The following SYNE1 variants were observed in gnomAD, a reference collection of about 807,000 sequenced individuals.
SYNE1 encodes spectrin repeat containing nuclear envelope protein 1.
In SYNE1, 616 loss-of-function variants were observed where a neutral mutation model predicts 1,111.0. The ratio of observed to expected loss-of-function variants is 0.55; its 90% CI spans 0.52 to 0.59. SYNE1 has a LOEUF of 0.59. Ranked by LOEUF, SYNE1 falls within the 20% of genes least tolerant of loss-of-function variation. SYNE1 has a pLI of 0.00. For missense variants in SYNE1, 10,006 were observed against 10,417.0 expected (o/e 0.96, Z 1.72); for synonymous variants, 3,855 against 3,825.8 (o/e 1.01, Z -0.28).
chr6:152,193,608 A>G (rs1426134798), intron 127 of SYNE1, among the ~76,000 whole-genome samples: 6 of 152,124 alleles, frequency 3.9e-5, no homozygotes, highest in Non-Finnish European at 5.9e-5. Flanking sequence ...GTGAGCCACC[A>G]TGCCCAGCCA....
intron 3 of SYNE1, 94 bp from the exon 4 acceptor site, chr6:152,540,115 G>A (rs547761318): frequency 2.8e-5 from 36 of 1,276,852 alleles, no homozygotes; most frequent in South Asian, 1.1e-4. Flanking sequence ...GGAAGGAATC[G>A]TGAAATCGTT....
At chr6:152,364,723 A>AG (rs1286934183) in intron 63 of SYNE1, 124 bp downstream of exon 63, 104 of 1,097,226 alleles carry the variant, frequency 9.5e-5, no homozygotes, top group Non-Finnish European at 1.3e-4. Flanking sequence ...GAAGGAAGGA[A>AG]GGAAGGGAGG....
intron 44 of SYNE1, among the ~76,000 whole-genome samples, chr6:152,407,572 T>C (rs1309621522): frequency 1.3e-5 from 2 of 152,190 alleles, no homozygotes; most frequent in Non-Finnish European, 2.9e-5. Context: ...TTTTTATTTC[T>C]AATGCTGAGG....
At chr6:152,457,835 G>A (rs2098705590) in intron 22 of SYNE1, among the ~76,000 whole-genome samples, 1 of 151,684 alleles carries the variant, frequency 6.6e-6, no homozygotes, top group African/African-American at 2.4e-5. Context: ...AAGGCAGCAG[G>A]TAATGCCTAA....
chr6:152,440,886 C>G (rs531637517), intron 32 of SYNE1, among the ~76,000 whole-genome samples: 1 of 152,232 alleles, frequency 6.6e-6, no homozygotes, highest in South Asian at 2.1e-4. Flanking sequence ...ATTTTAAAAA[C>G]TCTATACACA....
intron 142 of SYNE1, chr6:152,134,875 A>G (rs2056691172): frequency 5.6e-6 from 3 of 533,554 alleles, no homozygotes; most frequent in Non-Finnish European, 9.8e-6. Context: ...TTTACAACTG[A>G]GCAACAACTT....
Position 152,320,400 on chromosome 6 carries a change from A to G in SYNE1, c.16236+838T>C, listed in dbSNP as rs576426685. 7.2e-5 allele frequency among the ~76,000 whole-genome samples: 11 copies of G among 152,292 alleles called. No homozygotes were observed. The East Asian group carries it at 1.9e-3, about 27-fold the overall frequency. Reference sequence around the variant, plus strand: ...CTGTATGAGTTTTACAGTTTGTACAATGGGATATTACTTTCTATTTCATGT... The same window carrying G: ...CTGTATGAGTTTTACAGTTTGTACAGTGGGATATTACTTTCTATTTCATGT... On this transcript the variant is annotated intron_variant, in intron 84 of 145. Transcript: ENST00000367255.
At chr6:152,217,409 G>GAA (rs34685676) in intron 121 of SYNE1, among the ~76,000 whole-genome samples, 1 of 145,376 alleles carries the variant, frequency 6.9e-6, no homozygotes, top group Non-Finnish European at 1.5e-5. Context: ...AAAAAAAAAA[G>GAA]AAAAAAAAAT....
intron 79 of SYNE1, 41 bp downstream of exon 79, chr6:152,326,255 T>G (rs369167470): frequency 1.2e-6 from 2 of 1,613,446 alleles, no homozygotes; most frequent in South Asian, 2.2e-5. Flanking sequence ...GTGTGGAAAT[T>G]CATTTCACTA....
chr6:152,228,824 C>A (rs1425120760), intron 115 of SYNE1, among the ~76,000 whole-genome samples: 2 of 152,084 alleles, frequency 1.3e-5, no homozygotes, highest in Non-Finnish European at 2.9e-5. Flanking sequence ...ATCAGAAATA[C>A]CACTGGCCTC....
At chr6:152,358,615 T>A (rs1434127466) in intron 65 of SYNE1, 78 bp from the exon 66 acceptor site, 2 of 1,459,570 alleles carry the variant, frequency 1.4e-6, no homozygotes, top group Non-Finnish European at 1.9e-6. Context: ...TTCACTTTTG[T>A]AATTTTAGAA....
chr6:152,218,449 AAT>A, intron 120 of SYNE1, 46 bp from the exon 121 acceptor site: 2 of 1,564,710 alleles, frequency 1.3e-6, no homozygotes, highest in Non-Finnish European at 1.8e-6. Flanking sequence ...AAAAAAAAAA[AAT>A]TGGTATTTTA....
chr6:152,269,326 C>T (rs1398958656), intron 98 of SYNE1, 40 bp from the exon 99 acceptor site: 16 of 1,613,190 alleles, frequency 9.9e-6, no homozygotes, highest in South Asian at 2.2e-5. Context: ...TGCTACACAC[C>T]GGAAAACCTT....
In SYNE1 at chr6:152,331,326, G is replaced by T. The variant is rs369434204; in HGVS notation, c.13359C>A (p.Ser4453=). The change falls in exon 78 of 146, where the codon TCC becomes TCA. Residue 4453 remains serine, a synonymous_variant. Coordinates refer to ENST00000367255, the MANE Select transcript of SYNE1 (RefSeq NM_182961.4). ...CTGCCATGAGAAACTGGGTTTTCTC[G>T]GACAAGGCTTTGTTTAAGTACTTTC... ...QRRKYLNKAL[S]EKTQFLMAVF... is the part of the protein sequence containing the mutation. 6.2e-7 allele frequency: 1 copy of T among 1,614,148 alleles called. No individual in the cohort carries two copies. The highest frequency in any genetic ancestry group is 2.2e-5 in the East Asian group (1 of 44,882).
Position 152,352,163 on chromosome 6 carries a change from A to G in SYNE1, c.11444T>C (p.Leu3815Pro), listed in dbSNP as rs2096752323. Residue 3815 changes from leucine to proline, a missense_variant, in exon 70 of 146, where the codon CTT becomes CCT. By Grantham distance (98) the Leu-to-Pro change is moderately conservative (BLOSUM62 -3). Around this residue, in one of 7 missense-constraint regions of SYNE1, gnomAD observed 4,955 missense variants for 5,017.2 expected, o/e 0.99. Coordinates refer to ENST00000367255, the MANE Select transcript of SYNE1 (RefSeq NM_182961.4). ...RKEHMTLEKG[L>P]HLAKEFSDKC... ...ATCTGAGAATTCCTTTGCTAAATGA[A>G]GACCTTTTTCCAGCGTCATGTGTTC... is the stretch of plus-strand genomic sequence containing the variant. 2.5e-6 allele frequency: 4 copies of G among 1,614,210 alleles called. No homozygotes were observed. The highest frequency in any genetic ancestry group is 3.4e-6 in the Non-Finnish European group (4 of 1,180,034).
At chr6:152,130,682 G>A in intron 145 of SYNE1, 38 bp downstream of exon 145, 1 of 1,609,494 alleles carries the variant, frequency 6.2e-7, no homozygotes, top group Non-Finnish European at 8.5e-7. Context: ...ATCCTCTTGG[G>A]GTTCTAGAAC....
At chr6:152,412,039 C>T (rs2098062741) in intron 42 of SYNE1, among the ~76,000 whole-genome samples, 1 of 152,104 alleles carries the variant, frequency 6.6e-6, no homozygotes, top group African/African-American at 2.4e-5. Context: ...TATTTATAAT[C>T]ATCCAAACTG....
At chr6:152,483,310 G>A (rs2098919392) in intron 13 of SYNE1, 61 bp from the exon 14 acceptor site, 1 of 1,437,006 alleles carries the variant, frequency 7.0e-7, no homozygotes, top group Non-Finnish European at 9.8e-7. Flanking sequence ...TTATAAAATT[G>A]CACCCAAATA....
At chr6:152,426,936 C>T (rs1164353599) in intron 38 of SYNE1, among the ~76,000 whole-genome samples, 1 of 152,194 alleles carries the variant, frequency 6.6e-6, no homozygotes, top group Non-Finnish European at 1.5e-5. Context: ...ACGTAGCTTC[C>T]TCTTAAACGT....
Sources: gnomAD v4.1 joint callset for allele counts (sites outside exome capture counted in the v4.1 genomes callset) on GRCh38, gnomAD v4.1.1 for gene constraint, gnomAD v4.1.1 regional missense constraint, MANE v1.5 for transcripts, NCBI Gene and HGNC (gene_info 2026-07-23, HGNC 2026-07-21) for gene names.